The following UCK1 variants were observed in gnomAD, a reference collection of about 807,000 sequenced individuals.
UCK1 encodes cytidine monophosphokinase 1.
Under a neutral mutation model 34.0 loss-of-function variants are expected in UCK1, and 20 were observed. The ratio of observed to expected loss-of-function variants is 0.59; its 90% CI spans 0.41 to 0.86. The LOEUF (loss-of-function observed/expected upper bound fraction) is 0.86. UCK1 is among the 40% of genes least tolerant of loss of function. UCK1 has a pLI of 0.00. For missense variants in UCK1, 343 were observed against 383.6 expected (o/e 0.89, Z 0.88); for synonymous variants, 168 against 155.9 (o/e 1.08, Z -0.58).
chr9:131,530,539 G>A lies in UCK1; in HGVS notation c.215C>T (p.Thr72Met), dbSNP rs775797782. 3 of 1,614,130 alleles carry A rather than the reference G, an allele frequency of 1.9e-6. No homozygotes were observed. The highest frequency in any genetic ancestry group is 2.7e-5 in the African/African-American group (2 of 74,948). ...LSQDRFYKVL[T>M]AEQKAKALKG... is the part of the protein sequence containing the mutation. ...CAAGGCCTTGGCCTTCTGCTCTGCC[G>A]TCAGGACCTTGTAGAACCTGTCCTG... is the stretch of plus-strand genomic sequence containing the variant. The change falls in exon 2 of 7, where the codon ACG becomes ATG. Residue 72 changes from threonine (T) to methionine (M), a missense_variant. Coordinates refer to ENST00000372215, the MANE Select transcript of UCK1 (RefSeq NM_031432.5).
chr9:131,526,242 CTTCCAGTG>C, intron 5 of UCK1: 3 of 667,652 alleles, frequency 4.5e-6, no homozygotes, highest in Non-Finnish European at 7.5e-6. Flanking sequence ...AGACAGCCCC[CTTCCAGTG>C]TTCCCACTCC....
At chr9:131,526,411 A>G (rs1950606288) in intron 5 of UCK1, 2 of 1,294,960 alleles carry the variant, frequency 1.5e-6, no homozygotes, top group African/African-American at 3.0e-5. Context: ...GCCGTGCATA[A>G]TTACTGCAGG....
chr9:131,530,290 G>C (rs965824374), intron 2 of UCK1, among the ~76,000 whole-genome samples, 196 bp downstream of exon 2: 4 of 152,212 alleles, frequency 2.6e-5, no homozygotes, highest in Admixed American at 2.0e-4. Flanking sequence ...CTCCTGGGGG[G>C]ACACTCAGGG....
chr9:131,527,056 G>A (rs1010356167), intron 5 of UCK1, among the ~76,000 whole-genome samples: 11 of 151,956 alleles, frequency 7.2e-5, no homozygotes, highest in Admixed American at 3.3e-4. Context: ...GGTGGCTCAC[G>A]CCGGTGATCC....
chr9:131,528,565 T>A (rs1402715207), intron 5 of UCK1, among the ~76,000 whole-genome samples: 1 of 152,136 alleles, frequency 6.6e-6, no homozygotes, highest in African/African-American at 2.4e-5. Context: ...TTCCCCACTC[T>A]GCGGGGAATA....
chr9:131,529,621 C>T (rs781702688), intron 2 of UCK1, 37 bp from the exon 3 acceptor site: 2 of 1,600,148 alleles, frequency 1.2e-6, no homozygotes, highest in African/African-American at 1.3e-5. Flanking sequence ...CAGGCAGATG[C>T]CCTCGTGCAG....
At position 131,525,942 on chromosome 9, in the gene UCK1, T is replaced by A; in HGVS notation, c.639A>T (p.Gly213=). The change falls in exon 6 of 7, where the codon GGA becomes GGT. Residue 213 remains glycine (G), a synonymous_variant. Coordinates refer to ENST00000372215, the MANE Select transcript of UCK1 (RefSeq NM_031432.5). ...CCAGCTTCTTACCCATATTGTCCAC[T>A]CCTCGCGGGATGATCACATCGGCAT... ...KKYADVIIPR[G]VDNMVAINLI... is the part of the protein sequence containing the mutation. 1 of 1,614,022 alleles carries A rather than the reference T, an allele frequency of 6.2e-7. No individual in the cohort carries two copies. Among genetic ancestry groups the A allele is most frequent in the Admixed American group, 1.7e-5 (1 of 60,010 alleles).
At chr9:131,529,446 G>C (rs1950744170) in intron 3 of UCK1, 42 bp downstream of exon 3, 1 of 1,612,118 alleles carries the variant, frequency 6.2e-7, no homozygotes, top group Non-Finnish European at 8.5e-7. Flanking sequence ...GGACGTCCTA[G>C]CTGGCCCCTC....
Position 131,531,251 on chromosome 9 carries a change from G to A in UCK1, c.-77C>T. The A allele has an allele frequency of 2.4e-6, 3 of 1,252,418 alleles. No individual in the cohort carries two copies. Among genetic ancestry groups the A allele is most frequent in the Non-Finnish European group, 1.0e-6 (1 of 977,180 alleles). 77.6% of individuals were successfully genotyped at this position (1,252,418 alleles called of 1,614,324 possible). A position where few individuals can be genotyped will look rare whatever the true frequency, so the allele number is the denominator to read the frequency against. On this transcript the variant is annotated 5_prime_UTR_variant, in exon 1 of 7. Coordinates refer to ENST00000372215, the MANE Select transcript of UCK1 (RefSeq NM_031432.5). ...CCCGGCGCGCCCGCCCAGCGCCGAG[G>A]TCGGAGGCAACCGGAGCGATCACTT...
At chr9:131,526,442 T>TGG in intron 5 of UCK1, 1 of 1,290,842 alleles carries the variant, frequency 7.7e-7, no homozygotes, top group Non-Finnish European at 1.0e-6. Context: ...GATGGTAACT[T>TGG]ACTCCCTCAT....
At position 131,529,054 on chromosome 9, in the gene UCK1, G is replaced by A; in HGVS notation, c.509-16C>T. 1 of 1,613,834 alleles carries A rather than the reference G, an allele frequency of 6.2e-7. No individual in the cohort carries two copies. Among genetic ancestry groups the A allele is most frequent in the Non-Finnish European group, 8.5e-7 (1 of 1,179,942 alleles). On this transcript the variant is annotated splice_polypyrimidine_tract_variant and intron_variant, in intron 4 of 6. Coordinates refer to ENST00000372215, the MANE Select transcript of UCK1 (RefSeq NM_031432.5). ...TCCCGGAGAACTGCAGCGGCAAGGG[G>A]CAGGCGTGCTTCAGACCTCAGGACC...
intron 6 of UCK1, among the ~76,000 whole-genome samples, chr9:131,525,614 G>C (rs987949019): frequency 6.6e-6 from 1 of 152,152 alleles, no homozygotes; most frequent in Non-Finnish European, 1.5e-5. Context: ...GAGTAGCTGG[G>C]ACCAGAGGCA....
Position 131,524,920 on chromosome 9 carries a change from G to T in UCK1, c.*120C>A. ...TCCACTCCTGAGTGAGGAAGGCCTC[G>T]CTGCTAACACTCCCCTGGGGTGCGC... is the stretch of plus-strand genomic sequence containing the variant. On this transcript the variant is annotated 3_prime_UTR_variant, in exon 7 of 7. Coordinates refer to ENST00000372215, the MANE Select transcript of UCK1 (RefSeq NM_031432.5). 1 of 1,235,966 alleles carries T rather than the reference G, an allele frequency of 8.1e-7. No homozygotes were observed. The highest frequency in any genetic ancestry group is 1.1e-6 in the Non-Finnish European group (1 of 906,932). The allele number at this position is 1,235,966 out of a possible 1,614,324, so 76.6% of individuals were successfully genotyped here. A position where few individuals can be genotyped will look rare whatever the true frequency, so the allele number is the denominator to read the frequency against.
chr9:131,524,788 C>T lies in UCK1; in HGVS notation c.*252G>A. On this transcript the variant is annotated 3_prime_UTR_variant, in exon 7 of 7. Transcript: ENST00000372215. ...TTCCTGCACATTCTGTGGCATTTCT[C>T]AGTGACCTAGAGGGATCTTTAAACC... 2.4e-6 allele frequency: 1 copy of T among 424,930 alleles called. No homozygotes were observed. Among genetic ancestry groups the T allele is most frequent in the Non-Finnish European group, 4.2e-6 (1 of 239,518 alleles). The allele number at this position is 424,930 out of a possible 1,614,324, so 26.3% of individuals were successfully genotyped here.
In UCK1 at chr9:131,530,550, G is replaced by A; in HGVS notation, c.204C>T (p.Tyr68=). The A allele has an allele frequency of 1.2e-6, 2 of 1,614,252 alleles. No individual in the cohort carries two copies. Among genetic ancestry groups the A allele is most frequent in the Non-Finnish European group, 1.7e-6 (2 of 1,180,048 alleles). The change falls in exon 2 of 7, where the codon TAC becomes TAT. Residue 68 remains tyrosine (Y), a synonymous_variant. Coordinates refer to ENST00000372215, the MANE Select transcript of UCK1 (RefSeq NM_031432.5). ...CCTTCTGCTCTGCCGTCAGGACCTT[G>A]TAGAACCTGTCCTGGCTCAGGATGA... ...KVVILSQDRF[Y]KVLTAEQKAK...
Position 131,531,136 on chromosome 9 carries a change from C to T in UCK1, c.39G>A (p.Ala13=), listed in dbSNP as rs1287344256. 6.9e-7 allele frequency: 1 copy of T among 1,450,640 alleles called. No individual in the cohort carries two copies. Among genetic ancestry groups the T allele is most frequent in the Non-Finnish European group, 9.0e-7 (1 of 1,105,476 alleles). The allele number at this position is 1,450,640 out of a possible 1,614,324, so 89.9% of individuals were successfully genotyped here. The change falls in exon 1 of 7, where the codon GCG becomes GCA. Residue 13 remains alanine, a synonymous_variant. Coordinates refer to ENST00000372215, the MANE Select transcript of UCK1 (RefSeq NM_031432.5). ...GCTGGTGCGGACGGTCGGCCTCCGG[C>T]GCGGGGCTCTCGCAGTCTTCGCCTC... is the stretch of plus-strand genomic sequence containing the variant. ...SAGGEDCESP[A]PEADRPHQRP...
intron 2 of UCK1, 128 bp from the exon 3 acceptor site, chr9:131,529,712 T>C: frequency 1.3e-6 from 1 of 752,066 alleles, no homozygotes; most frequent in East Asian, 2.6e-5. Context: ...ACAGGTAGAC[T>C]AGGACTACGG....
chr9:131,529,256 G>A lies in UCK1; in HGVS notation c.380C>T (p.Thr127Met), dbSNP rs1248641191. Reference sequence around the variant, plus strand: ...AACCACGTCCGCAGGGTAGACCACCGTGGTCTCTGGTAACCTGAGGGGCGC... The same window carrying A: ...AACCACGTCCGCAGGGTAGACCACCATGGTCTCTGGTAACCTGAGGGGCGC... Reference protein sequence around the residue: ...FVTHSRLPETTVVYPADVVLF... With the variant: ...FVTHSRLPETMVVYPADVVLF... Residue 127 changes from threonine to methionine, a missense_variant, in exon 4 of 7, where the codon ACG becomes ATG. Transcript: ENST00000372215. The A allele has an allele frequency of 3.3e-5, 54 of 1,614,158 alleles. No individual in the cohort carries two copies. The East Asian group carries it at 9.4e-4, about 28-fold the overall frequency.
At chr9:131,528,228 G>T (rs1027168181) in intron 5 of UCK1, among the ~76,000 whole-genome samples, 1 of 151,846 alleles carries the variant, frequency 6.6e-6, no homozygotes, top group Non-Finnish European at 1.5e-5. Context: ...TCAAAGGCAG[G>T]AATCTTGGTT....
Sources: gnomAD v4.1 joint callset for allele counts (sites outside exome capture counted in the v4.1 genomes callset) on GRCh38, gnomAD v4.1.1 for gene constraint, MANE v1.5 for transcripts, NCBI Gene and HGNC (gene_info 2026-07-23, HGNC 2026-07-21) for gene names.